The following CLCN4 variants were observed in gnomAD, a reference collection of about 807,000 sequenced individuals.
The protein encoded by CLCN4 is H(+)/Cl(-) exchange transporter 4.
Under a neutral mutation model 41.7 loss-of-function variants are expected in CLCN4, and 1 was observed. That is an observed-to-expected ratio of 0.02 (90% CI 0.01 to 0.11). The LOEUF (loss-of-function observed/expected upper bound fraction) is 0.11, where lower values mean the gene tolerates loss of function less well. Ranked by LOEUF, CLCN4 falls within the 10% of genes least tolerant of loss-of-function variation. The pLI, the probability that CLCN4 is intolerant of heterozygous loss-of-function variation, is 1.00. For synonymous variants in CLCN4, 277 were observed against 285.8 expected (o/e 0.97, Z 0.31); for missense variants, 287 against 661.0 (o/e 0.43, Z 6.20).
In CLCN4 at chrX:10,235,406, A is replaced by G. The variant is rs1375370185; in HGVS notation, c.*1822A>G. 8.9e-6 allele frequency: 1 copy of G among 112,012 alleles called. No individual in the cohort carries two copies. Among genetic ancestry groups the G allele is most frequent in the Non-Finnish European group, 1.9e-5 (1 of 53,174 alleles). The allele number at this position is 112,012 out of a possible 1,213,427, so 9.2% of individuals were successfully genotyped here. A position where few individuals can be genotyped will look rare whatever the true frequency, so the allele number is the denominator to read the frequency against. On this transcript the variant is annotated 3_prime_UTR_variant, in exon 13 of 13. Coordinates refer to ENST00000380833, the MANE Select transcript of CLCN4 (RefSeq NM_001830.4). ...AGCTAGGCACATTACTCTCTGAACG[A>G]AATTCATATTATCTTATTAAGGAAG...
intron 11 of CLCN4, among the ~76,000 whole-genome samples, 168 bp downstream of exon 11, chrX:10,214,247 G>C (rs929572775): frequency 8.9e-6 from 1 of 112,607 alleles, no homozygotes; most frequent in Non-Finnish European, 1.9e-5. Flanking sequence ...GATTCTGATT[G>C]AGCAGGTCTT....
intron 4 of CLCN4, among the ~76,000 whole-genome samples, chrX:10,189,639 C>G (rs1020220535): frequency 9.8e-5 from 11 of 112,362 alleles, no homozygotes; most frequent in African/African-American, 3.2e-4. Flanking sequence ...AGAGCCACGT[C>G]CCACTCACTT....
chrX:10,202,705 TGA>T (rs1328466253), intron 6 of CLCN4, among the ~76,000 whole-genome samples: 1 of 104,920 alleles, frequency 9.5e-6, no homozygotes, highest in African/African-American at 3.5e-5. Context: ...ACGTGGGACT[TGA>T]GAGAGAACTG....
At chrX:10,221,365 T>C (rs760632846) in intron 12 of CLCN4, among the ~76,000 whole-genome samples, 1 of 111,856 alleles carries the variant, frequency 8.9e-6, no homozygotes, top group East Asian at 2.8e-4. Flanking sequence ...CTAATAAGAA[T>C]GGTAGTACCG....
intron 2 of CLCN4, among the ~76,000 whole-genome samples, chrX:10,179,498 G>A (rs190535750): frequency 1.1e-3 from 117 of 111,224 alleles, no homozygotes; most frequent in African/African-American, 3.6e-3. Flanking sequence ...AAGCTATTTC[G>A]AATGTCAGGC....
intron 2 of CLCN4, 107 bp from the exon 3 acceptor site, chrX:10,184,915 G>T: frequency 1.7e-6 from 1 of 594,610 alleles, no homozygotes. Context: ...AGATGCCTAT[G>T]CTGAAATAAT....
intron 12 of CLCN4, among the ~76,000 whole-genome samples, chrX:10,230,382 G>A (rs1243079805): frequency 8.9e-6 from 1 of 112,322 alleles, no homozygotes; most frequent in African/African-American, 3.2e-5. Flanking sequence ...AACCGTAGAA[G>A]CAGGGTGATT....
At chrX:10,211,942 C>T (rs1001216279) in intron 9 of CLCN4, among the ~76,000 whole-genome samples, 3 of 111,633 alleles carry the variant, frequency 2.7e-5, no homozygotes, top group African/African-American at 9.8e-5. Flanking sequence ...AGGTATTCAG[C>T]TACCACCTAC....
At chrX:10,209,331 CTTCCCTT>C (rs1361100895) in intron 9 of CLCN4, among the ~76,000 whole-genome samples, 11 of 91,217 alleles carry the variant, frequency 1.2e-4, no homozygotes, top group Non-Finnish European at 1.7e-4. Context: ...CTCCCCTTCC[CTTCCCTT>C]TTCCCTTTTC....
At chrX:10,169,204 T>C (rs1431919124) in intron 2 of CLCN4, among the ~76,000 whole-genome samples, 1 of 112,020 alleles carries the variant, frequency 8.9e-6, no homozygotes, top group Non-Finnish European at 1.9e-5. Context: ...TGTATCTACA[T>C]TTATTTCCGA....
chrX:10,218,063 A>C (rs1924773465), intron 11 of CLCN4, among the ~76,000 whole-genome samples: 1 of 111,889 alleles, frequency 8.9e-6, no homozygotes, highest in Non-Finnish European at 1.9e-5. Context: ...ATTCTTTTTT[A>C]AGAGCTGTGG....
intron 2 of CLCN4, among the ~76,000 whole-genome samples, chrX:10,164,458 C>T (rs1053767383): frequency 1.8e-4 from 20 of 111,474 alleles, no homozygotes; most frequent in African/African-American, 4.2e-4. Context: ...GCTCCTGTGT[C>T]GGGGAGTGAC....
intron 4 of CLCN4, 67 bp from the exon 5 acceptor site, chrX:10,194,844 C>T (rs1350538570): frequency 1.4e-5 from 15 of 1,094,932 alleles, no homozygotes; most frequent in East Asian, 9.1e-5. Context: ...GTCTGGCCGC[C>T]GTGTTGGTCT....
intron 2 of CLCN4, among the ~76,000 whole-genome samples, chrX:10,175,265 G>C (rs944626467): frequency 9.0e-6 from 1 of 111,669 alleles, no homozygotes; most frequent in African/African-American, 3.3e-5. Flanking sequence ...TGGTAGGTTT[G>C]GGAGGGTTGT....
At position 10,225,681 on chromosome X, in the gene CLCN4, G is replaced by T. The variant is rs182135998; in HGVS notation, c.2192+4804G>T. On this transcript the variant is annotated intron_variant, in intron 12 of 12. Transcript: ENST00000380833. ...AAATCTTTGCCCATGACTATGTCCT[G>T]AATGGTATTGCCTAGATTTTTTTTC... is the stretch of plus-strand genomic sequence containing the variant. Among the ~76,000 whole-genome samples, 5 of 112,120 alleles carry T rather than the reference G, an allele frequency of 4.5e-5. No homozygotes were observed. In the East Asian group the frequency reaches 1.4e-3, roughly 31 times the overall value.
At chrX:10,211,043 A>G in intron 9 of CLCN4, among the ~76,000 whole-genome samples, 1 of 101,697 alleles carries the variant, frequency 9.8e-6, no homozygotes, top group East Asian at 3.2e-4. Context: ...AGGTGGGTGG[A>G]TCACTTGAGG....
chrX:10,218,836 G>T (rs1444624196), intron 11 of CLCN4, among the ~76,000 whole-genome samples: 3 of 112,377 alleles, frequency 2.7e-5, no homozygotes, highest in African/African-American at 9.7e-5. Flanking sequence ...TCTGACCCTA[G>T]CTGATGCCTA....
At chrX:10,205,388 G>A (rs1374175263) in intron 6 of CLCN4, among the ~76,000 whole-genome samples, 2 of 105,523 alleles carry the variant, frequency 1.9e-5, no homozygotes, top group Non-Finnish European at 3.9e-5. Context: ...CAGGAGAATG[G>A]CGTGAACCCA....
rs181288807 is a variant in CLCN4 at position 10,193,060 on chromosome X, A to G, written c.245-1851A>G. 4.5e-5 allele frequency among the ~76,000 whole-genome samples: 5 copies of G among 111,954 alleles called. No individual in the cohort carries two copies. The East Asian group carries it at 1.1e-3, about 25-fold the overall frequency. ...GATATCTAGTAGACCCAAGAAGGCA[A>G]ATAGACTTGTGTTCTTTGACAATGC... On this transcript the variant is annotated intron_variant, in intron 4 of 12. Coordinates refer to ENST00000380833, the MANE Select transcript of CLCN4 (RefSeq NM_001830.4).
Sources: gnomAD v4.1 joint callset for allele counts (sites outside exome capture counted in the v4.1 genomes callset) on GRCh38, gnomAD v4.1.1 for gene constraint, MANE v1.5 for transcripts, NCBI Gene and HGNC (gene_info 2026-07-23, HGNC 2026-07-21) for gene names.